Variants in PTPRN2 observed in about 807,000 individuals in gnomAD.
PTPRN2 encodes protein tyrosine phosphatase receptor type N2.
In PTPRN2, 74 loss-of-function variants were observed where a neutral mutation model predicts 118.8. The observed-to-expected ratio is 0.62, with a 90% CI of 0.52 to 0.76. PTPRN2 has a LOEUF of 0.76. Ranked by LOEUF, PTPRN2 falls within the 30% of genes least tolerant of loss-of-function variation. The probability of loss-of-function intolerance (pLI) is 0.00; values close to 1 mark genes in which losing one functional copy is unlikely to be tolerated. For missense variants in PTPRN2, 1,481 were observed against 1,394.4 expected, an observed-to-expected ratio of 1.06 and a Z score of -0.99; for synonymous variants, 641 against 608.0, an observed-to-expected ratio of 1.05 and a Z score of -0.80.
intron 13 of PTPRN2, among the ~76,000 whole-genome samples, chr7:157,661,362 G>A (rs1795877065): frequency 6.6e-6 from 1 of 152,282 alleles, no homozygotes; most frequent in Admixed American, 6.5e-5. Context: ...CGCCTGTGCA[G>A]AGGGAGACGC....
chr7:157,803,573 T>C (rs953659466), intron 12 of PTPRN2, among the ~76,000 whole-genome samples: 5 of 152,358 alleles, frequency 3.3e-5, no homozygotes, highest in African/African-American at 1.2e-4. Context: ...TCCAGTCTTA[T>C]GTCTCAGTCT....
chr7:158,471,473 A>G (rs1819846727), intron 2 of PTPRN2, among the ~76,000 whole-genome samples: 1 of 152,208 alleles, frequency 6.6e-6, no homozygotes, highest in Admixed American at 6.5e-5. Flanking sequence ...GTGGATCACA[A>G]GGTCAGGAGA....
At chr7:158,105,635 T>C (rs1254941281) in intron 10 of PTPRN2, among the ~76,000 whole-genome samples, 1 of 148,958 alleles carries the variant, frequency 6.7e-6, no homozygotes, top group Non-Finnish European at 1.5e-5. Flanking sequence ...TCCATAGACT[T>C]CCATCCAGAT....
intron 12 of PTPRN2, among the ~76,000 whole-genome samples, chr7:157,849,074 G>T (rs1180009058): frequency 6.6e-6 from 1 of 152,152 alleles, no homozygotes; most frequent in Non-Finnish European, 1.5e-5. Context: ...CGTGGCTGGC[G>T]TCCAGGACCC....
intron 12 of PTPRN2, among the ~76,000 whole-genome samples, chr7:157,741,549 C>T (rs923029975): frequency 9.2e-5 from 14 of 152,184 alleles, no homozygotes; most frequent in South Asian, 2.1e-4. Context: ...GAACCCTCCC[C>T]GGAGACGCTC....
intron 2 of PTPRN2, among the ~76,000 whole-genome samples, chr7:158,390,115 C>T (rs1406032393): frequency 6.6e-6 from 1 of 152,206 alleles, no homozygotes; most frequent in African/African-American, 2.4e-5. Flanking sequence ...AGCTCCATCC[C>T]CGCCCCACCA....
At chr7:158,094,673 C>T (rs1315883827) in intron 10 of PTPRN2, among the ~76,000 whole-genome samples, 1 of 152,206 alleles carries the variant, frequency 6.6e-6, no homozygotes. Context: ...TACACAAACA[C>T]ATGACTGAAT....
At chr7:158,351,454 C>A (rs977887835) in intron 2 of PTPRN2, among the ~76,000 whole-genome samples, 1 of 152,178 alleles carries the variant, frequency 6.6e-6, no homozygotes, top group Non-Finnish European at 1.5e-5. Context: ...TGCTTTCCTT[C>A]GTTGCTCACA....
chr7:157,656,114 G>T, intron 14 of PTPRN2, among the ~76,000 whole-genome samples: 3 of 50,568 alleles, frequency 5.9e-5, no homozygotes, highest in Admixed American at 2.6e-4. Flanking sequence ...GGGACTGTGT[G>T]TGGGGGCTGC....
intron 3 of PTPRN2, among the ~76,000 whole-genome samples, chr7:158,274,590 G>A (rs1798836612): frequency 6.6e-6 from 1 of 152,042 alleles, no homozygotes; most frequent in Admixed American, 6.6e-5. Flanking sequence ...ACGAGCCCGA[G>A]GCGCTCGGCC....
chr7:158,370,763 T>C (rs1809927211), intron 2 of PTPRN2, among the ~76,000 whole-genome samples: 1 of 151,318 alleles, frequency 6.6e-6, no homozygotes, highest in African/African-American at 2.4e-5. Context: ...AAAAAAATTT[T>C]TAAAAATCAA....
chr7:158,178,654 G>A (rs1824433089), intron 5 of PTPRN2, among the ~76,000 whole-genome samples: 1 of 141,206 alleles, frequency 7.1e-6, no homozygotes, highest in East Asian at 2.0e-4. Context: ...CTGGAGTGCA[G>A]TGGCACAATC....
At chr7:158,263,834 T>C (rs1797700475) in intron 3 of PTPRN2, among the ~76,000 whole-genome samples, 1 of 152,042 alleles carries the variant, frequency 6.6e-6, no homozygotes, top group Admixed American at 6.6e-5. Flanking sequence ...CACTTGAAAA[T>C]GTGAAAGCAA....
chr7:158,513,364 C>T (rs950956144), intron 1 of PTPRN2, among the ~76,000 whole-genome samples: 3 of 152,142 alleles, frequency 2.0e-5, no homozygotes, highest in Non-Finnish European at 2.9e-5. Flanking sequence ...CCAGGAGACA[C>T]GACCACGAAA....
intron 3 of PTPRN2, among the ~76,000 whole-genome samples, chr7:158,265,068 T>C (rs1205527777): frequency 6.6e-6 from 1 of 152,046 alleles, no homozygotes; most frequent in Non-Finnish European, 1.5e-5. Flanking sequence ...GGTCACTTTC[T>C]ATCTGCTCCA....
chr7:158,138,652 C>T (rs1563493772), intron 6 of PTPRN2, 137 bp from the exon 7 acceptor site: 1 of 710,944 alleles, frequency 1.4e-6, no homozygotes, highest in South Asian at 1.8e-5. Context: ...CAGGCCAGTG[C>T]TCAGAGAAGA....
chr7:158,290,708 G>C (rs1800068372), intron 3 of PTPRN2, among the ~76,000 whole-genome samples: 1 of 152,234 alleles, frequency 6.6e-6, no homozygotes, highest in Admixed American at 6.5e-5. Context: ...GCCTGGGTGA[G>C]AGGGGACCCA....
intron 12 of PTPRN2, among the ~76,000 whole-genome samples, chr7:157,698,227 T>G (rs1429517585): frequency 6.6e-6 from 1 of 152,278 alleles, no homozygotes; most frequent in African/African-American, 2.4e-5. Context: ...TTTTTCAAAT[T>G]ATTTCACTTT....
chr7:157,798,434 C>T lies in PTPRN2; in HGVS notation c.1788+100239G>A, dbSNP rs191623241. On this transcript the variant is annotated intron_variant, in intron 12 of 22. Transcript: ENST00000389418. ...ACCATGCTGGCTTTCTTGTTTGCATCAGTAACAGACCGGCCATTTCTCCCA... is the reference window on the plus strand; with the variant it reads ...ACCATGCTGGCTTTCTTGTTTGCATTAGTAACAGACCGGCCATTTCTCCCA... Among the ~76,000 whole-genome samples, 34 of 152,194 alleles carry T rather than the reference C, an allele frequency of 2.2e-4. 3 individuals carry two copies. Among genetic ancestry groups the T allele is most frequent in the African/African-American group, 8.2e-4 (34 of 41,518 alleles).
Sources: gnomAD v4.1 joint callset for allele counts (sites outside exome capture counted in the v4.1 genomes callset) on GRCh38, gnomAD v4.1.1 for gene constraint, MANE v1.5 for transcripts, NCBI Gene and HGNC (gene_info 2026-07-23, HGNC 2026-07-21) for gene names.